The following TRIM37 variants were observed in gnomAD, a reference collection of about 807,000 sequenced individuals.
TRIM37 encodes E3 ubiquitin-protein ligase TRIM37.
A neutral mutation model predicts 129.8 loss-of-function variants in TRIM37; 80 were observed. The observed-to-expected ratio is 0.62, with a 90% CI of 0.51 to 0.74. The LOEUF is 0.74. Ranked by LOEUF, TRIM37 falls within the 30% of genes least tolerant of loss-of-function variation. The pLI, the probability that TRIM37 is intolerant of heterozygous loss-of-function variation, is 0.00. For synonymous variants in TRIM37, 389 were observed against 387.1 expected (o/e 1.00, Z -0.06); for missense variants, 1,054 against 1,176.5 (o/e 0.90, Z 1.52).
intron 22 of TRIM37, among the ~76,000 whole-genome samples, chr17:59,003,386 T>C (rs1171341485): frequency 6.6e-6 from 1 of 152,178 alleles, no homozygotes; most frequent in Admixed American, 6.5e-5. Flanking sequence ...TAAAAATTGT[T>C]CAGGAGCTAG....
At chr17:59,076,624 T>C (rs1408622777) in intron 7 of TRIM37, among the ~76,000 whole-genome samples, 2 of 152,184 alleles carry the variant, frequency 1.3e-5, no homozygotes, top group East Asian at 3.8e-4. Context: ...TTTATATGTT[T>C]TGAAACAAAA....
chr17:59,072,765 T>C (rs982615481), intron 8 of TRIM37, among the ~76,000 whole-genome samples: 6 of 150,282 alleles, frequency 4.0e-5, no homozygotes, highest in Non-Finnish European at 8.9e-5. Flanking sequence ...AAAAAAAGTA[T>C]CATATATCAT....
intron 13 of TRIM37, among the ~76,000 whole-genome samples, chr17:59,053,889 G>C (rs1243377345): frequency 6.6e-6 from 1 of 152,104 alleles, no homozygotes; most frequent in Non-Finnish European, 1.5e-5. Context: ...ACTTGAGCCC[G>C]AGAATTCTAG....
At chr17:59,051,791 C>T (rs1489170832) in intron 13 of TRIM37, among the ~76,000 whole-genome samples, 4 of 151,020 alleles carry the variant, frequency 2.6e-5, no homozygotes, top group African/African-American at 9.7e-5. Context: ...AGTGCAGTGG[C>T]GGGATCTCGG....
At chr17:59,105,091 CAAAAAAA>C (rs35249068) in intron 1 of TRIM37, among the ~76,000 whole-genome samples, 29 of 122,674 alleles carry the variant, frequency 2.4e-4, no homozygotes, top group African/African-American at 8.4e-4. Flanking sequence ...GATTCTGTCT[CAAAAAAA>C]AAAAAAAAGA....
In TRIM37 at chr17:58,982,809, T is replaced by C. The variant is rs975533185; in HGVS notation, c.*109A>G. 8 of 1,148,578 alleles carry C rather than the reference T, an allele frequency of 7.0e-6. No individual in the cohort carries two copies. The African/African-American group carries it at 9.3e-5, about 13-fold the overall frequency. 71.1% of individuals were successfully genotyped at this position (1,148,578 alleles called of 1,614,324 possible). A position where few individuals can be genotyped will look rare whatever the true frequency, so the allele number is the denominator to read the frequency against. On this transcript the variant is annotated 3_prime_UTR_variant, in exon 25 of 25. Coordinates refer to the TRIM37 transcript ENST00000393066. ...GGCCCCAACTATAGTGCCGGAACCT[T>C]TTCATCATTCTGAGGCTTTGCCCCA...
chr17:59,037,914 T>C (rs2038733612), intron 17 of TRIM37, among the ~76,000 whole-genome samples: 1 of 152,158 alleles, frequency 6.6e-6, no homozygotes, highest in South Asian at 2.1e-4. Context: ...TCTGAAAGTA[T>C]GTCAAATATT....
chr17:59,084,835 G>A (rs76232919), intron 4 of TRIM37, among the ~76,000 whole-genome samples: 3,156 of 152,246 alleles, frequency 0.021, 42 homozygotes, highest in Middle Eastern at 0.041. Context: ...ACAGAGCTAG[G>A]TGGTGGCCAT....
At chr17:59,069,895 A>G (rs550478251) in intron 9 of TRIM37, among the ~76,000 whole-genome samples, 1 of 152,344 alleles carries the variant, frequency 6.6e-6, no homozygotes, top group South Asian at 2.1e-4. Context: ...GAAGACACAG[A>G]AAGAAGGCAG....
intron 14 of TRIM37, 40 bp from the exon 15 acceptor site, chr17:59,049,433 A>C: frequency 1.3e-6 from 2 of 1,540,400 alleles, no homozygotes; most frequent in Non-Finnish European, 1.8e-6. Flanking sequence ...GCCACAGCTC[A>C]CTGGCACAGT....
chr17:59,094,933 C>T (rs2035527540), intron 2 of TRIM37, among the ~76,000 whole-genome samples: 1 of 152,076 alleles, frequency 6.6e-6, no homozygotes, highest in South Asian at 2.1e-4. Context: ...AGTCATGGAC[C>T]AGTCGGGTGT....
At chr17:59,090,207 A>G (rs2044165470) in intron 3 of TRIM37, 1 of 152,204 alleles carries the variant, frequency 6.6e-6, no homozygotes, top group Non-Finnish European at 1.5e-5. Context: ...GTCTCTCAAT[A>G]TGGGCATAAA....
downstream of TRIM37, among the ~76,000 whole-genome samples, chr17:58,994,377 A>C (rs1160866211): frequency 2.6e-5 from 4 of 152,242 alleles, no homozygotes; most frequent in Non-Finnish European, 5.9e-5. Context: ...ACAATAATTT[A>C]CATAGCATTT....
chr17:59,092,605 AAAC>A (rs1258747087), intron 2 of TRIM37, among the ~76,000 whole-genome samples: 2 of 152,082 alleles, frequency 1.3e-5, no homozygotes, highest in Non-Finnish European at 2.9e-5. Context: ...AGTTTTCAGG[AAAC>A]AACAGGTTTA....
Position 59,064,368 on chromosome 17 carries a change from A to T in TRIM37, c.847T>A (p.Leu283Ile), listed in dbSNP as rs777601929. ...VPSYDSATFV[L>I]ENFSTLRQRA... The stretch of plus-strand genomic sequence containing the variant: ...AAAAACTCTTACCTGAAATTCTCTA[A>T]AACAAAAGTAGCTGAATCGTAAGAT... The change falls in exon 10 of 24, where the codon TTA (leucine) becomes ATA (isoleucine). Residue 283 changes from leucine to isoleucine, a missense_variant. Around this residue, in one of 3 missense-constraint regions of TRIM37, gnomAD observed 752 missense variants for 870.8 expected, o/e 0.86. Transcript: ENST00000262294. 1.2e-6 allele frequency: 2 copies of T among 1,602,256 alleles called. No individual in the cohort carries two copies. Among genetic ancestry groups the T allele is most frequent in the Admixed American group, 1.7e-5 (1 of 58,984 alleles).
intron 22 of TRIM37, among the ~76,000 whole-genome samples, chr17:59,011,032 T>C (rs1234624467): frequency 1.3e-5 from 2 of 151,956 alleles, no homozygotes; most frequent in East Asian, 1.9e-4. Flanking sequence ...TAGCCAGGTG[T>C]GTTGGCAAGC....
At chr17:59,007,197 ACACACACACT>A (rs2034617049) in intron 22 of TRIM37, among the ~76,000 whole-genome samples, 1 of 73,430 alleles carries the variant, frequency 1.4e-5, no homozygotes, top group Non-Finnish European at 2.4e-5. Flanking sequence ...ACACACACAC[ACACACACACT>A]AAAACCACCC....
rs1242139184 is a variant in TRIM37 at position 59,104,276 on chromosome 17, A to G, written c.123+17T>C. 2 of 1,605,406 alleles carry G rather than the reference A, an allele frequency of 1.2e-6. No homozygotes were observed. The highest frequency in any genetic ancestry group is 2.7e-5 in the African/African-American group (2 of 74,778). ...TACTATATATACTAACTGCATGTAA[A>G]AAGAAATACAACTTACCCTAATACA... On this transcript the variant is annotated intron_variant, in intron 2 of 23. Transcript: ENST00000262294.
At chr17:59,009,385 T>C (rs1182015555) in intron 22 of TRIM37, among the ~76,000 whole-genome samples, 3 of 149,386 alleles carry the variant, frequency 2.0e-5, no homozygotes, top group Non-Finnish European at 4.5e-5. Context: ...ACCTCGGCCT[T>C]CCCAAAGTGC....
Sources: allele counts gnomAD v4.1 joint callset (sites outside exome capture counted in the v4.1 genomes callset), GRCh38; gene constraint gnomAD v4.1.1; regional missense constraint gnomAD v4.1.1; transcripts MANE v1.5; gene names NCBI Gene and HGNC (gene_info 2026-07-23, HGNC 2026-07-21).